Variants in MTCL1 observed in about 807,000 individuals in gnomAD.
MTCL1 encodes microtubule crosslinking factor 1, also known as microtubule cross-linking factor 1.
MTCL1 carries 79 observed loss-of-function variants against 141.4 expected under a neutral mutation model. That is an observed-to-expected ratio of 0.56 (90% CI 0.47 to 0.67). The LOEUF is 0.67. Ranked by LOEUF, MTCL1 falls within the 30% of genes least tolerant of loss-of-function variation. The pLI is 0.00. For missense variants in MTCL1, 2,177 were observed against 2,113.9 expected (o/e 1.03, Z -0.59); for synonymous variants, 914 against 875.8 (o/e 1.04, Z -0.77).
chr18:8,717,697 G>C (rs2096138275), intron 1 of MTCL1: 1 of 161,694 alleles, frequency 6.2e-6, no homozygotes, highest in Admixed American at 6.5e-5. Context: ...CCATCCGGAA[G>C]GGGCGCAGCT....
intron 7 of MTCL1, chr18:8,789,355 CATG>C (rs1408720117): frequency 6.2e-6 from 6 of 961,788 alleles, no homozygotes; most frequent in Non-Finnish European, 7.4e-6. Flanking sequence ...AAAATGAAGC[CATG>C]GTCATGGTGA....
At chr18:8,820,193 A>T (rs1235150472) in intron 13 of MTCL1, among the ~76,000 whole-genome samples, 3 of 152,114 alleles carry the variant, frequency 2.0e-5, no homozygotes, top group Non-Finnish European at 2.9e-5. Context: ...GCGGATCACG[A>T]GGTCAGGAGA....
chr18:8,735,364 T>C (rs921701764), intron 4 of MTCL1, among the ~76,000 whole-genome samples: 2 of 152,166 alleles, frequency 1.3e-5, no homozygotes, highest in Non-Finnish European at 1.5e-5. Context: ...TTCTGGCTGT[T>C]GTGAAAAATG....
chr18:8,762,173 A>G lies in MTCL1; in HGVS notation c.358-15660A>G, dbSNP rs921310731. The stretch of plus-strand genomic sequence containing the variant: ...TCAGGTATAGGTTTGAGTCCCTGAT[A>G]ATTAGTGTCTTAAAAGGTGTCTTTT... On this transcript the variant is annotated intron_variant, in intron 4 of 16. Coordinates refer to ENST00000359865, the Ensembl canonical transcript of MTCL1. Among the ~76,000 whole-genome samples the G allele has an allele frequency of 9.2e-5, 14 of 152,270 alleles. No homozygotes were observed. In the East Asian group the frequency reaches 2.3e-3, roughly 25 times the overall value.
In MTCL1 at chr18:8,776,719, CTAGT is replaced by C. The variant is rs1274023964; in HGVS notation, c.358-1111_358-1108del. On this transcript the variant is annotated intron_variant, in intron 4 of 16. Coordinates refer to ENST00000359865, the Ensembl canonical transcript of MTCL1. Reference sequence around the variant, plus strand: ...TTTTTATCTGGCCACTCAGGAAACACTAGTTATTTATTTATTTATTTATTTATTT... The same window carrying C: ...TTTTTATCTGGCCACTCAGGAAACACTATTTATTTATTTATTTATTTATTT... Among the ~76,000 whole-genome samples the C allele has an allele frequency of 8.6e-4, 120 of 138,848 alleles. 1 individual carries two copies. Among genetic ancestry groups the C allele is most frequent in the Non-Finnish European group, 1.0e-3 (69 of 66,092 alleles). The allele number at this position is 138,848 out of a possible 152,430, so 91.1% of individuals were successfully genotyped here.
chr18:8,815,500 G>A lies in MTCL1; in HGVS notation c.2859+2267G>A, dbSNP rs1383902472. Among the ~76,000 whole-genome samples, 7 of 152,068 alleles carry A rather than the reference G, an allele frequency of 4.6e-5. No homozygotes were observed. The East Asian group carries it at 1.4e-3, about 29-fold the overall frequency. On this transcript the variant is annotated intron_variant, in intron 12 of 16. Transcript: ENST00000359865. Reference sequence around the variant, plus strand: ...TGCGGGGAGGTGGGGGATAGCATTAGGAGTTATACCTAATGCTAAATGACG... The same window carrying A: ...TGCGGGGAGGTGGGGGATAGCATTAAGAGTTATACCTAATGCTAAATGACG...
intron 7 of MTCL1, chr18:8,789,587 T>C: frequency 5.1e-6 from 5 of 985,410 alleles, no homozygotes; most frequent in Non-Finnish European, 6.0e-6. Context: ...TCCGGAACAC[T>C]GACGTGGGGA....
At chr18:8,767,946 T>C (rs1359004332) in intron 4 of MTCL1, among the ~76,000 whole-genome samples, 1 of 152,258 alleles carries the variant, frequency 6.6e-6, no homozygotes, top group African/African-American at 2.4e-5. Flanking sequence ...ATATTTTTAA[T>C]CCTACATTTA....
At chr18:8,726,286 C>CTTTTTTTTTTTTTTTTTTTT (rs77665680) in intron 4 of MTCL1, among the ~76,000 whole-genome samples, 2 of 102,260 alleles carry the variant, frequency 2.0e-5, no homozygotes, top group Non-Finnish European at 3.8e-5. Context: ...TTCTTTTTTT[C>CTTTTTTTTTTTTTTTTTTTT]TTTTTTTTTT....
At chr18:8,726,027 G>A (rs1392366253) in intron 4 of MTCL1, among the ~76,000 whole-genome samples, 2 of 151,756 alleles carry the variant, frequency 1.3e-5, no homozygotes, top group African/African-American at 2.4e-5. Context: ...TCCAGACCTC[G>A]TGATCTGCCC....
At chr18:8,817,176 A>C (rs528912563) in intron 12 of MTCL1, among the ~76,000 whole-genome samples, 1 of 152,048 alleles carries the variant, frequency 6.6e-6, no homozygotes, top group African/African-American at 2.4e-5. Context: ...TTCTTGCCCA[A>C]AATAGCTTAG....
intron 5 of MTCL1, among the ~76,000 whole-genome samples, 179 bp from the exon 5 acceptor site, chr18:8,783,351 C>A (rs1392257872): frequency 6.6e-6 from 1 of 152,094 alleles, no homozygotes; most frequent in Non-Finnish European, 1.5e-5. Context: ...CTCCACAAAG[C>A]CCCTGGGCCC....
chr18:8,767,297 T>C (rs944207443), intron 4 of MTCL1, among the ~76,000 whole-genome samples: 1 of 152,202 alleles, frequency 6.6e-6, no homozygotes, highest in Non-Finnish European at 1.5e-5. Flanking sequence ...TAGCCAGTGA[T>C]GCTTTTGATA....
exon 15 of MTCL1, chr18:8,825,935 C>T (rs765042120): frequency 1.0e-5 from 16 of 1,604,954 alleles, no homozygotes; most frequent in Non-Finnish European, 1.3e-5. Flanking sequence ...CAGCAGAGCC[C>T]CGACCAGAGC....
rs138700640 is a variant in MTCL1, at chr18:8,783,904, C to T, written c.792C>T (p.Phe264=). The T allele has an allele frequency of 3.4e-5, 55 of 1,613,294 alleles. No individual in the cohort carries two copies. The highest frequency in any genetic ancestry group is 2.3e-4 in the African/African-American group (17 of 74,942). The stretch of plus-strand genomic sequence containing the variant: ...CACCCAGCATTCCTACCTCACCCTT[C>T]GGTGACTCCCTGGAGTCCTCCACTG... Residue 264 remains phenylalanine, a synonymous_variant, in exon 6 of 17, where the codon TTC becomes TTT. Coordinates refer to ENST00000359865, the Ensembl canonical transcript of MTCL1.
chr18:8,753,678 T>C (rs907471146), intron 4 of MTCL1, among the ~76,000 whole-genome samples: 2 of 152,180 alleles, frequency 1.3e-5, no homozygotes, highest in Admixed American at 6.5e-5. Context: ...AGCCATTTTA[T>C]AGTAAGCAAG....
chr18:8,743,552 C>A (rs1337285908), intron 4 of MTCL1, among the ~76,000 whole-genome samples: 1 of 152,232 alleles, frequency 6.6e-6, no homozygotes, highest in East Asian at 1.9e-4. Context: ...GACTGTGTTC[C>A]TTCTGGAGGC....
Position 8,828,763 on chromosome 18 carries a change from A to C in MTCL1, c.4723-145A>C. 7.4e-7 allele frequency: 1 copy of C among 1,359,000 alleles called. No individual in the cohort carries two copies. Among genetic ancestry groups the C allele is most frequent in the Non-Finnish European group, 1.0e-6 (1 of 1,004,546 alleles). The allele number at this position is 1,359,000 out of a possible 1,614,324, so 84.2% of individuals were successfully genotyped here. On this transcript the variant is annotated intron_variant, in intron 15 of 16. Coordinates refer to ENST00000359865, the Ensembl canonical transcript of MTCL1. This position sits in a 1 kb window ranked among gnomAD's most constrained non-coding sequence, Gnocchi z 5.2. ...AATGTGCTAGATCTGAGAGCCCGCA[A>C]GTCTCTCCTGGTGGCTACCCCTGAG...
intron 4 of MTCL1, among the ~76,000 whole-genome samples, chr18:8,751,788 G>T (rs770071599): frequency 6.6e-6 from 1 of 152,198 alleles, no homozygotes. Context: ...AAGACTAGAC[G>T]AGGTTAGAAA....
Sources: gnomAD v4.1 joint callset for allele counts (sites outside exome capture counted in the v4.1 genomes callset) on GRCh38, gnomAD v4.1.1 for gene constraint, Gnocchi (gnomAD v3.1) non-coding constraint, MANE v1.5 for transcripts, NCBI Gene and HGNC (gene_info 2026-07-23, HGNC 2026-07-21) for gene names.